USP42: variants seen among roughly 807,000 people sequenced by gnomAD.
USP42 encodes ubiquitin carboxyl-terminal hydrolase 42.
In USP42, 23 loss-of-function variants were observed where a neutral mutation model predicts 113.0. That is an observed-to-expected ratio of 0.20 (90% CI 0.15 to 0.29). USP42 has a LOEUF of 0.29. Ranked by LOEUF, USP42 falls within the 10% of genes least tolerant of loss-of-function variation. USP42 has a pLI of 1.00. For synonymous variants in USP42, 933 were observed against 699.0 expected, an observed-to-expected ratio of 1.33 and a Z score of -5.28; for missense variants, 2,174 against 1,779.8, an observed-to-expected ratio of 1.22 and a Z score of -3.99.
In USP42 at chr7:6,155,023, G is replaced by A; in HGVS notation, c.3469G>A (p.Gly1157Arg). 6.4e-7 allele frequency: 1 copy of A among 1,563,630 alleles called. No individual in the cohort carries two copies. The highest frequency in any genetic ancestry group is 8.7e-7 in the Non-Finnish European group (1 of 1,153,700). Residue 1157 changes from glycine to arginine, a missense_variant, in exon 15 of 18, where the codon GGA becomes AGA. Gly to Arg is a moderately radical substitution (Grantham distance 125). Transcript: ENST00000306177. ...LSDRFHEHEN[G>R]KSRKRRHDSV... The stretch of plus-strand genomic sequence containing the variant: ...TGATCGGTTTCACGAACACGAAAAT[G>A]GAAAGTCCCGGAAACGGAGACACGA...
chr7:6,120,960 G>C (rs1780195051), intron 3 of USP42, among the ~76,000 whole-genome samples: 1 of 151,606 alleles, frequency 6.6e-6, no homozygotes, highest in African/African-American at 2.4e-5. Flanking sequence ...TTTATTGCTA[G>C]CATATAGAAA....
chr7:6,146,074 A>C, intron 10 of USP42, 74 bp from the exon 11 acceptor site: 1 of 1,182,144 alleles, frequency 8.5e-7, no homozygotes, highest in Non-Finnish European at 1.2e-6. Flanking sequence ...AAAAAAAGAA[A>C]GAAATATTTC....
intron 3 of USP42, among the ~76,000 whole-genome samples, chr7:6,131,195 G>A (rs1445021181): frequency 6.6e-6 from 1 of 152,196 alleles, no homozygotes; most frequent in Non-Finnish European, 1.5e-5. Flanking sequence ...TCTTTAGGAT[G>A]TCAAAACATC....
the USP42 span, among the ~76,000 whole-genome samples, chr7:6,091,987 CT>C: frequency 1.0e-4 from 5 of 47,648 alleles, no homozygotes; most frequent in African/African-American, 2.6e-4. Flanking sequence ...TTTTCTTCTT[CT>C]TCTTCTTCTT....
rs564202672 is a variant in USP42 at position 6,158,558 on chromosome 7, A to C, written c.3944-892A>C. 1.3e-5 allele frequency among the ~76,000 whole-genome samples: 2 copies of C among 152,072 alleles called. No individual in the cohort carries two copies. The highest frequency in any genetic ancestry group is 3.9e-4 in the East Asian group (2 of 5,150). The stretch of plus-strand genomic sequence containing the variant: ...ACGGTCCTTAGAGTGTGTGAGAGAG[A>C]GCTGGGGGTTGCGGGGTGAGCCCCA... On this transcript the variant is annotated intron_variant, in intron 16 of 17. Coordinates refer to ENST00000306177, the MANE Select transcript of USP42 (RefSeq NM_032172.3). The surrounding 1 kb of genome is among the most constrained non-coding windows in gnomAD (Gnocchi z 4.2).
rs1248989835 is a variant in USP42, at chr7:6,158,291, G to A, written c.3944-1159G>A. Among the ~76,000 whole-genome samples the A allele has an allele frequency of 1.3e-5, 2 of 152,222 alleles. No individual in the cohort carries two copies. Among genetic ancestry groups the A allele is most frequent in the Non-Finnish European group, 2.9e-5 (2 of 68,040 alleles). ...GCAGGGACCGTGTGGCTCGCAAAGCGGAAAATGTTTATTATTGCCCCTTGA... is the reference window on the plus strand; with the variant it reads ...GCAGGGACCGTGTGGCTCGCAAAGCAGAAAATGTTTATTATTGCCCCTTGA... On this transcript the variant is annotated intron_variant, in intron 16 of 17. Transcript: ENST00000306177. The surrounding 1 kb of genome is among the most constrained non-coding windows in gnomAD (Gnocchi z 4.2).
chr7:6,131,753 G>A (rs1160631218), intron 3 of USP42, among the ~76,000 whole-genome samples: 3 of 152,064 alleles, frequency 2.0e-5, no homozygotes, highest in Admixed American at 6.6e-5. Context: ...CTTGAGGTCC[G>A]TAGCATGTCT....
the USP42 span, among the ~76,000 whole-genome samples, chr7:6,098,839 C>A: frequency 1.3e-5 from 2 of 150,406 alleles, no homozygotes. Flanking sequence ...AGCCACCATG[C>A]CCTGCCAAGA....
At chr7:6,147,276 A>C (rs1781768668) in intron 11 of USP42, among the ~76,000 whole-genome samples, 1 of 152,162 alleles carries the variant, frequency 6.6e-6, no homozygotes, top group Non-Finnish European at 1.5e-5. Flanking sequence ...AAGCCTGGGC[A>C]ACAAAGCGAG....
intron 4 of USP42, among the ~76,000 whole-genome samples, chr7:6,136,471 A>G (rs939979204): frequency 1.3e-5 from 2 of 152,244 alleles, no homozygotes; most frequent in African/African-American, 4.8e-5. Context: ...AGATGACAAT[A>G]TATTAAAGAC....
chr7:6,095,154 A>C, the USP42 span, among the ~76,000 whole-genome samples: 4 of 151,144 alleles, frequency 2.6e-5, no homozygotes, highest in African/African-American at 9.9e-5. Context: ...GCTAAGTATG[A>C]CTATTTGAGT....
chr7:6,089,937 G>A, the USP42 span, among the ~76,000 whole-genome samples: 2 of 150,872 alleles, frequency 1.3e-5, no homozygotes, highest in Non-Finnish European at 2.9e-5. Context: ...GGAGGTGGAG[G>A]CTGCAGCGAG....
chr7:6,102,344 T>C (rs1032175514), upstream of USP42, among the ~76,000 whole-genome samples: 1 of 150,188 alleles, frequency 6.7e-6, no homozygotes, highest in African/African-American at 2.5e-5. Flanking sequence ...GAACTCCTGA[T>C]CTTGTGATCT....
In USP42 at chr7:6,159,524, G is replaced by A; in HGVS notation, c.*36+31G>A. The A allele has an allele frequency of 1.2e-6, 2 of 1,603,496 alleles. No individual in the cohort carries two copies. The highest frequency in any genetic ancestry group is 1.7e-6 in the Non-Finnish European group (2 of 1,170,726). ...CTGTTTTCCTGTCTGTTTCCTCATT[G>A]TTTGTGGTGGCGCTGAGGGGACGCA... On this transcript the variant is annotated intron_variant, in intron 17 of 17. Transcript: ENST00000306177. This position sits in a 1 kb window ranked among gnomAD's most constrained non-coding sequence, Gnocchi z 4.1.
At chr7:6,116,589 T>A in intron 3 of USP42, 1 of 341,058 alleles carries the variant, frequency 2.9e-6, no homozygotes, top group South Asian at 2.4e-5. Context: ...AATAGTTCTT[T>A]ACTTAATGGA....
the USP42 span, among the ~76,000 whole-genome samples, chr7:6,094,891 G>A: frequency 6.7e-6 from 1 of 150,164 alleles, no homozygotes; most frequent in African/African-American, 2.5e-5. Context: ...AGGTTCAAGC[G>A]ATTCTCCTGC....
chr7:6,116,227 GA>G (rs1389338400), intron 3 of USP42, among the ~76,000 whole-genome samples: 2 of 151,942 alleles, frequency 1.3e-5, no homozygotes, highest in African/African-American at 4.8e-5. Context: ...ATAAGCCTTA[GA>G]GGAGAGGGAC....
chr7:6,092,366 A>G, the USP42 span, among the ~76,000 whole-genome samples: 1 of 149,762 alleles, frequency 6.7e-6, no homozygotes, highest in Admixed American at 6.7e-5. Flanking sequence ...TTTAGTAGAG[A>G]TGGGGTTTCA....
At position 6,115,191 on chromosome 7, in the gene USP42, C is replaced by T. The variant is rs2128480950; in HGVS notation, c.242-132C>T. On this transcript the variant is annotated intron_variant, in intron 2 of 17. Transcript: ENST00000306177. The stretch of plus-strand genomic sequence containing the variant: ...TCTGTCTTTTAAAATGTCCCTCTTC[C>T]CCCTGTATTTCAGGTAGGCTGGTCA... The T allele has an allele frequency of 4.9e-6, 4 of 821,336 alleles. No individual in the cohort carries two copies. In the South Asian group the frequency reaches 5.1e-5, roughly 10 times the overall value. 50.9% of individuals were successfully genotyped at this position (821,336 alleles called of 1,614,324 possible).
Sources: allele counts gnomAD v4.1 joint callset (sites outside exome capture counted in the v4.1 genomes callset), GRCh38; gene constraint gnomAD v4.1.1; non-coding constraint Gnocchi (gnomAD v3.1); transcripts MANE v1.5; gene names NCBI Gene and HGNC (gene_info 2026-07-23, HGNC 2026-07-21).